The following FBXW4 variants were observed in gnomAD, a reference collection of about 807,000 sequenced individuals.
FBXW4 encodes F-box and WD repeat domain containing 4.
FBXW4 carries 40 observed loss-of-function variants against 61.8 expected under a neutral mutation model. That is an observed-to-expected ratio of 0.65 (90% CI 0.50 to 0.84). The LOEUF is 0.84. Among genes scored for constraint, FBXW4 ranks in the 40% least tolerant of loss-of-function variants. The probability of loss-of-function intolerance (pLI) is 0.00; values close to 1 mark genes in which losing one functional copy is unlikely to be tolerated. For missense variants in FBXW4, 672 were observed against 753.8 expected (o/e 0.89, Z 1.27); for synonymous variants, 311 against 313.8 (o/e 0.99, Z 0.10).
intron 4 of FBXW4, among the ~76,000 whole-genome samples, chr10:101,672,066 A>G (rs1048976926): frequency 1.3e-5 from 2 of 152,218 alleles, no homozygotes; most frequent in South Asian, 2.1e-4. Flanking sequence ...TCCTCTCCCT[A>G]TGTGTTTTAG....
In FBXW4 at chr10:101,624,731, C is replaced by T. The variant is rs367863289; in HGVS notation, c.1301+14G>A. ...CCTGGACTGGAAGCCAGCATGGGCTCATGAATCTCTTACCTGTTGAGGTCC... is the reference window on the plus strand; with the variant it reads ...CCTGGACTGGAAGCCAGCATGGGCTTATGAATCTCTTACCTGTTGAGGTCC... On this transcript the variant is annotated intron_variant, in intron 6 of 8. Transcript: ENST00000331272. 7 of 1,613,880 alleles carry T rather than the reference C, an allele frequency of 4.3e-6. No individual in the cohort carries two copies. The highest frequency in any genetic ancestry group is 4.0e-5 in the African/African-American group (3 of 74,902).
chr10:101,661,576 T>C (rs535429635), intron 5 of FBXW4, among the ~76,000 whole-genome samples: 4 of 152,206 alleles, frequency 2.6e-5, no homozygotes, highest in African/African-American at 7.2e-5. Context: ...TAGAATTACC[T>C]GGAGCTTCCA....
At chr10:101,626,984 A>T (rs2063912340) in intron 5 of FBXW4, 1 of 151,106 alleles carries the variant, frequency 6.6e-6, no homozygotes, top group African/African-American at 2.4e-5. Context: ...GCCCACCCAC[A>T]TCTGGCCCTG....
chr10:101,691,460 C>T (rs1589786819), intron 1 of FBXW4, among the ~76,000 whole-genome samples: 2 of 152,182 alleles, frequency 1.3e-5, no homozygotes, highest in African/African-American at 4.8e-5. Flanking sequence ...GGCCAGGACA[C>T]CTTACCCTAG....
chr10:101,676,420 C>A lies in FBXW4; in HGVS notation c.742G>T (p.Val248Leu), dbSNP rs529802357. Residue 248 changes from valine (V) to leucine (L), a missense_variant, in exon 2 of 9, where the codon GTG becomes TTG. Physicochemically the swap from Val to Leu is conservative, Grantham distance 32 (BLOSUM62 1). Coordinates refer to ENST00000331272, the MANE Select transcript of FBXW4 (RefSeq NM_022039.4). ...LGTDLMTSVP[V>L]KERVKVSQNW... The stretch of plus-strand genomic sequence containing the variant: ...TGAGACACCTTCACTCGTTCCTTCA[C>A]TGGGACACTGGTCATCCTATGTCCA... 6.2e-7 allele frequency: 1 copy of A among 1,613,432 alleles called. No individual in the cohort carries two copies. Among genetic ancestry groups the A allele is most frequent in the African/African-American group, 1.3e-5 (1 of 75,016 alleles).
intron 5 of FBXW4, among the ~76,000 whole-genome samples, chr10:101,666,520 T>C (rs546968776): frequency 6.6e-6 from 1 of 152,250 alleles, no homozygotes; most frequent in African/African-American, 2.4e-5. Flanking sequence ...ACGAAGTGGG[T>C]AGGACCAAGT....
chr10:101,691,482 G>A (rs2064602136), intron 1 of FBXW4, among the ~76,000 whole-genome samples: 1 of 152,114 alleles, frequency 6.6e-6, no homozygotes, highest in South Asian at 2.1e-4. Flanking sequence ...ACATGGGCGA[G>A]AAATCAAAAC....
intron 1 of FBXW4, among the ~76,000 whole-genome samples, chr10:101,686,708 T>C (rs1279493717): frequency 1.3e-5 from 2 of 152,204 alleles, no homozygotes; most frequent in African/African-American, 4.8e-5. Flanking sequence ...CAAAACAGGT[T>C]CTCAACCCAA....
chr10:101,654,873 G>C (rs770171502), intron 5 of FBXW4, among the ~76,000 whole-genome samples: 7 of 152,178 alleles, frequency 4.6e-5, no homozygotes, highest in Non-Finnish European at 8.8e-5. Flanking sequence ...ACCAAGGCTA[G>C]AGTGCAGTGG....
chr10:101,680,347 A>G (rs903199281), intron 1 of FBXW4, among the ~76,000 whole-genome samples: 2 of 152,220 alleles, frequency 1.3e-5, no homozygotes, highest in Non-Finnish European at 2.9e-5. Context: ...TATCAATTAT[A>G]AAGTATTTGA....
At chr10:101,657,416 C>T (rs2064196298) in intron 5 of FBXW4, among the ~76,000 whole-genome samples, 1 of 152,066 alleles carries the variant, frequency 6.6e-6, no homozygotes, top group South Asian at 2.1e-4. Flanking sequence ...ATGGCATCAC[C>T]TGAGGTCAGG....
At chr10:101,685,234 C>T (rs1457938176) in intron 1 of FBXW4, among the ~76,000 whole-genome samples, 2 of 152,180 alleles carry the variant, frequency 1.3e-5, no homozygotes, top group Non-Finnish European at 2.9e-5. Flanking sequence ...TTAGATGGAA[C>T]CTACCATACA....
At chr10:101,662,797 C>T (rs1259240955) in intron 5 of FBXW4, among the ~76,000 whole-genome samples, 1 of 152,070 alleles carries the variant, frequency 6.6e-6, no homozygotes, top group Non-Finnish European at 1.5e-5. Flanking sequence ...TCACCACATG[C>T]CCCCCATGGG....
intron 3 of FBXW4, 27 bp downstream of exon 3, chr10:101,673,461 G>A (rs200796259): frequency 5.6e-6 from 9 of 1,612,084 alleles, no homozygotes; most frequent in Non-Finnish European, 7.6e-6. Flanking sequence ...ATGGAAAAGG[G>A]TGGAAGGAGA....
At chr10:101,657,627 G>A (rs1356167512) in intron 5 of FBXW4, among the ~76,000 whole-genome samples, 5 of 104,004 alleles carry the variant, frequency 4.8e-5, no homozygotes, top group African/African-American at 7.8e-5. Flanking sequence ...GCAACACAGC[G>A]AGACTCTGTC....
intron 1 of FBXW4, among the ~76,000 whole-genome samples, chr10:101,688,215 A>C (rs1335034265): frequency 6.6e-6 from 1 of 152,232 alleles, no homozygotes; most frequent in African/African-American, 2.4e-5. Context: ...TGATGTTTTG[A>C]AAGAGCCTGG....
intron 5 of FBXW4, among the ~76,000 whole-genome samples, chr10:101,646,044 T>G (rs1325622491): frequency 1.3e-5 from 2 of 152,180 alleles, no homozygotes; most frequent in African/African-American, 2.4e-5. Flanking sequence ...TCATCAGCAC[T>G]CTACAAGTGC....
intron 1 of FBXW4, among the ~76,000 whole-genome samples, chr10:101,687,613 G>A (rs1164408595): frequency 6.6e-6 from 1 of 152,064 alleles, no homozygotes; most frequent in Non-Finnish European, 1.5e-5. Context: ...CAATCTCCAA[G>A]TTAGGGTTCC....
At chr10:101,685,867 CTCCCTTTGGCAAGTCACACTT>C in intron 1 of FBXW4, among the ~76,000 whole-genome samples, 1 of 152,166 alleles carries the variant, frequency 6.6e-6, no homozygotes, top group East Asian at 1.9e-4. Context: ...AAACATGGTC[CTCCCTTTGGCAAGTCACACTT>C]TGAACAACAC....
Sources: gnomAD v4.1 joint callset for allele counts (sites outside exome capture counted in the v4.1 genomes callset) on GRCh38, gnomAD v4.1.1 for gene constraint, MANE v1.5 for transcripts, NCBI Gene and HGNC (gene_info 2026-07-23, HGNC 2026-07-21) for gene names.